Variants in RANBP17 observed in about 807,000 individuals in gnomAD.
The protein encoded by RANBP17 is RAN binding protein 17.
Under a neutral mutation model 141.2 loss-of-function variants are expected in RANBP17, and 158 were observed. The observed-to-expected ratio is 1.12, with a 90% CI of 0.98 to 1.28. The LOEUF (loss-of-function observed/expected upper bound fraction) is 1.28. Among genes scored for constraint, RANBP17 ranks in the 50% most tolerant of loss-of-function variants. The probability of loss-of-function intolerance (pLI) is 0.00; values close to 1 mark genes in which losing one functional copy is unlikely to be tolerated. For synonymous variants in RANBP17, 430 were observed against 450.0 expected, an observed-to-expected ratio of 0.96 and a Z score of 0.56; for missense variants, 1,438 against 1,290.7, an observed-to-expected ratio of 1.11 and a Z score of -1.75.
intron 14 of RANBP17, among the ~76,000 whole-genome samples, chr5:171,140,743 C>A (rs1757630660): frequency 6.6e-6 from 1 of 152,252 alleles, no homozygotes. Context: ...AACTCATAAA[C>A]CTCTATGCTT....
chr5:171,098,620 G>A (rs548021942), intron 14 of RANBP17, among the ~76,000 whole-genome samples: 8 of 152,236 alleles, frequency 5.3e-5, no homozygotes, highest in African/African-American at 1.7e-4. Flanking sequence ...TTCTTTTGCT[G>A]TGCAGAAGCT....
At chr5:171,074,744 G>GT (rs1345764247) in intron 14 of RANBP17, among the ~76,000 whole-genome samples, 2 of 152,126 alleles carry the variant, frequency 1.3e-5, no homozygotes, top group East Asian at 3.9e-4. Context: ...CATTTTTTAG[G>GT]TTAAGTGCAC....
intron 21 of RANBP17, among the ~76,000 whole-genome samples, chr5:171,215,061 C>G (rs910701836): frequency 6.6e-6 from 1 of 151,836 alleles, no homozygotes; most frequent in Admixed American, 6.6e-5. Context: ...CCTTGCCCCC[C>G]ATCCCCCAAC....
chr5:171,067,604 T>A (rs1333296835), intron 14 of RANBP17, among the ~76,000 whole-genome samples: 3 of 152,080 alleles, frequency 2.0e-5, no homozygotes, highest in African/African-American at 7.2e-5. Flanking sequence ...AAAATTTTTT[T>A]AAATCTAGGA....
At chr5:171,117,072 C>T (rs1755686607) in intron 14 of RANBP17, among the ~76,000 whole-genome samples, 1 of 152,148 alleles carries the variant, frequency 6.6e-6, no homozygotes. Flanking sequence ...CACGAATGGA[C>T]ATATAGGCTG....
At chr5:170,978,925 T>G (rs949719954) in intron 14 of RANBP17, among the ~76,000 whole-genome samples, 1 of 152,166 alleles carries the variant, frequency 6.6e-6, no homozygotes, top group Non-Finnish European at 1.5e-5. Context: ...TGCCTATCAG[T>G]AGAAGAATGG....
At chr5:171,033,476 T>C (rs930824103) in intron 14 of RANBP17, among the ~76,000 whole-genome samples, 4 of 152,320 alleles carry the variant, frequency 2.6e-5, no homozygotes, top group African/African-American at 9.6e-5. Context: ...GGGACCATGC[T>C]GTCCTCTTTG....
chr5:171,062,250 A>C (rs1429001033), intron 14 of RANBP17, among the ~76,000 whole-genome samples: 1 of 152,212 alleles, frequency 6.6e-6, no homozygotes, highest in African/African-American at 2.4e-5. Context: ...GTTTCTTCCT[A>C]GCCTTGATGG....
intron 14 of RANBP17, among the ~76,000 whole-genome samples, chr5:171,126,033 G>A (rs182821548): frequency 1.4e-4 from 21 of 152,204 alleles, no homozygotes; most frequent in East Asian, 3.9e-4. Flanking sequence ...TGATCCGCCC[G>A]CCTTGGCCTC....
intron 16 of RANBP17, among the ~76,000 whole-genome samples, chr5:171,174,575 T>C (rs1158750226): frequency 2.6e-5 from 4 of 152,172 alleles, no homozygotes; most frequent in African/African-American, 9.6e-5. Context: ...GTTTTTATTC[T>C]TTTGAAAGAT....
At chr5:170,949,535 C>T (rs1397610879) in intron 12 of RANBP17, among the ~76,000 whole-genome samples, 4 of 152,120 alleles carry the variant, frequency 2.6e-5, no homozygotes, top group Non-Finnish European at 5.9e-5. Flanking sequence ...AATACCTCCT[C>T]ACACCAACTA....
chr5:171,204,124 A>G (rs1762445832), intron 19 of RANBP17, among the ~76,000 whole-genome samples: 1 of 152,168 alleles, frequency 6.6e-6, no homozygotes, highest in Non-Finnish European at 1.5e-5. Context: ...AAAAATAAGA[A>G]CTGGTGAGAG....
intron 14 of RANBP17, among the ~76,000 whole-genome samples, chr5:171,077,667 C>T (rs1003599996): frequency 6.6e-6 from 1 of 152,156 alleles, no homozygotes; most frequent in African/African-American, 2.4e-5. Context: ...CTTTTTAATA[C>T]ACATTTCTCT....
chr5:171,033,845 G>A (rs990162205), intron 14 of RANBP17, among the ~76,000 whole-genome samples: 2 of 152,176 alleles, frequency 1.3e-5, no homozygotes, highest in South Asian at 2.1e-4. Context: ...TCAGTGCAGA[G>A]TGGTTTTCTG....
At chr5:171,235,910 AAT>A (rs1764514107) in intron 22 of RANBP17, among the ~76,000 whole-genome samples, 1 of 152,208 alleles carries the variant, frequency 6.6e-6, no homozygotes, top group Non-Finnish European at 1.5e-5. Flanking sequence ...AAATATTTTT[AAT>A]AAGTGTCACC....
intron 22 of RANBP17, among the ~76,000 whole-genome samples, chr5:171,235,669 A>G (rs1232593472): frequency 2.6e-5 from 4 of 152,104 alleles, no homozygotes; most frequent in Non-Finnish European, 5.9e-5. Context: ...TGGTGTGATC[A>G]TGGCTCACTG....
intron 11 of RANBP17, among the ~76,000 whole-genome samples, chr5:170,923,695 C>T (rs937479821): frequency 1.3e-5 from 2 of 152,084 alleles, no homozygotes; most frequent in African/African-American, 4.8e-5. Context: ...TGGTATTTAG[C>T]CTTCAGATCT....
rs572248769 is a variant in RANBP17 at position 170,867,510 on chromosome 5, G to A, written c.18+5459G>A. 2.0e-5 allele frequency among the ~76,000 whole-genome samples: 3 copies of A among 152,180 alleles called. No homozygotes were observed. In the South Asian group the frequency reaches 6.2e-4, roughly 32 times the overall value. On this transcript the variant is annotated intron_variant, in intron 1 of 27. Transcript: ENST00000523189. ...GATAAAAGCCTTCAGGGATACTCAGGAAAAGGTAGTAAGAGGAAGAAAAAA... is the reference window on the plus strand; with the variant it reads ...GATAAAAGCCTTCAGGGATACTCAGAAAAAGGTAGTAAGAGGAAGAAAAAA...
chr5:170,991,018 T>A (rs1490511251), intron 14 of RANBP17, among the ~76,000 whole-genome samples: 1 of 151,944 alleles, frequency 6.6e-6, no homozygotes, highest in Admixed American at 6.6e-5. Context: ...TCTTTTAATG[T>A]ACTGAAATTT....
Sources: gnomAD v4.1 joint callset for allele counts (sites outside exome capture counted in the v4.1 genomes callset) on GRCh38, gnomAD v4.1.1 for gene constraint, MANE v1.5 for transcripts, NCBI Gene and HGNC (gene_info 2026-07-23, HGNC 2026-07-21) for gene names.